Variants in PCSK6 observed in about 807,000 individuals in gnomAD.
PCSK6 encodes the protein paired basic amino acid cleaving enzyme 4.
In PCSK6, 85 loss-of-function variants were observed where a neutral mutation model predicts 123.3. The observed-to-expected ratio is 0.69, with a 90% CI of 0.58 to 0.83. The LOEUF (loss-of-function observed/expected upper bound fraction) is 0.83, where lower values mean the gene tolerates loss of function less well. PCSK6 is among the 40% of genes least tolerant of loss of function. The pLI, the probability that PCSK6 is intolerant of heterozygous loss-of-function variation, is 0.00. For synonymous variants in PCSK6, 508 were observed against 516.0 expected, an observed-to-expected ratio of 0.98 and a Z score of 0.21; for missense variants, 1,191 against 1,282.3, an observed-to-expected ratio of 0.93 and a Z score of 1.09.
At chr15:101,361,082 T>C (rs528622440) in intron 13 of PCSK6, among the ~76,000 whole-genome samples, 1 of 152,264 alleles carries the variant, frequency 6.6e-6, no homozygotes, top group African/African-American at 2.4e-5. Flanking sequence ...ATTCTTTGAA[T>C]AAACTGATGA....
intron 6 of PCSK6, among the ~76,000 whole-genome samples, chr15:101,403,438 G>A (rs72770794): frequency 0.3 from 39,409 of 129,884 alleles, 5,323 homozygotes; most frequent in African/African-American, 0.36. Flanking sequence ...TAAAAAAAAA[G>A]AGAGAGAAAA....
intron 19 of PCSK6, among the ~76,000 whole-genome samples, chr15:101,316,910 GTTT>G (rs57613156): frequency 8.7e-5 from 10 of 114,938 alleles, no homozygotes; most frequent in Admixed American, 6.1e-4. Context: ...ACTTAATTCT[GTTT>G]TTTTTTTTTT....
chr15:101,339,088 C>G (rs769409533), intron 13 of PCSK6, among the ~76,000 whole-genome samples: 12 of 152,124 alleles, frequency 7.9e-5, no homozygotes, highest in Non-Finnish European at 2.9e-5. Context: ...TTTCCTATGC[C>G]TGGCATTTTG....
intron 13 of PCSK6, among the ~76,000 whole-genome samples, chr15:101,342,129 C>CAAAAAAAAAAAAAAAAAAAAAAAAAAA (rs35083182): frequency 7.8e-5 from 4 of 51,524 alleles, no homozygotes; most frequent in African/African-American, 2.3e-4. Flanking sequence ...GACCCTGTCT[C>CAAAAAAAAAAAAAAAAAAAAAAAAAAA]AAAAAAAAAA....
chr15:101,372,266 C>T (rs574454980), intron 11 of PCSK6, among the ~76,000 whole-genome samples: 59 of 152,276 alleles, frequency 3.9e-4, no homozygotes, highest in Non-Finnish European at 7.4e-4. Context: ...TTACGGGGAG[C>T]GCTTTTCCCA....
chr15:101,391,563 T>C (rs961711208), intron 8 of PCSK6, among the ~76,000 whole-genome samples: 67 of 152,218 alleles, frequency 4.4e-4, no homozygotes, highest in African/African-American at 1.5e-3. Flanking sequence ...GTTTTACTCC[T>C]CTATAAAGAG....
intron 5 of PCSK6, among the ~76,000 whole-genome samples, chr15:101,429,235 A>AC (rs2056364170): frequency 1.5e-5 from 2 of 130,566 alleles, no homozygotes; most frequent in African/African-American, 6.8e-5. Flanking sequence ...GCTGATGGAG[A>AC]AGGAAAGAGA....
rs375365738 is a variant in PCSK6 at position 101,315,405 on chromosome 15, C to G, written c.2570-1900G>C. 3.3e-5 allele frequency among the ~76,000 whole-genome samples: 5 copies of G among 152,266 alleles called. No homozygotes were observed. In the South Asian group the frequency reaches 6.2e-4, roughly 19 times the overall value. On this transcript the variant is annotated intron_variant, in intron 19 of 21. Transcript: ENST00000611716. ...AAGTCTTTTAAGGATTCCATTAAGTCGCAAGTCTCTATAGACTTTGAACAC... is the reference window on the plus strand; with the variant it reads ...AAGTCTTTTAAGGATTCCATTAAGTGGCAAGTCTCTATAGACTTTGAACAC...
intron 3 of PCSK6, among the ~76,000 whole-genome samples, chr15:101,431,686 GC>G (rs2056452262): frequency 1.3e-5 from 2 of 152,162 alleles, no homozygotes; most frequent in Non-Finnish European, 2.9e-5. Context: ...TTTTCCCAGG[GC>G]ATCGCCTCCC....
intron 7 of PCSK6, among the ~76,000 whole-genome samples, chr15:101,394,144 GT>G (rs56222739): frequency 2.5e-4 from 35 of 141,514 alleles, no homozygotes; most frequent in South Asian, 2.2e-4. Context: ...TTTGTTTTTT[GT>G]TTTTTTTTTT....
At chr15:101,392,677 T>C (rs542976385) in intron 8 of PCSK6, among the ~76,000 whole-genome samples, 1 of 149,254 alleles carries the variant, frequency 6.7e-6, no homozygotes, top group African/African-American at 2.5e-5. Flanking sequence ...AGTTACCTTT[T>C]AAAAGACAAA....
intron 6 of PCSK6, among the ~76,000 whole-genome samples, chr15:101,407,216 T>C (rs1412380970): frequency 6.6e-6 from 1 of 152,198 alleles, no homozygotes; most frequent in Non-Finnish European, 1.5e-5. Context: ...CCTTGGGCCA[T>C]AGTCTCAGCC....
chr15:101,412,311 A>T (rs1567202234), intron 6 of PCSK6, among the ~76,000 whole-genome samples: 1 of 152,226 alleles, frequency 6.6e-6, no homozygotes, highest in Non-Finnish European at 1.5e-5. Flanking sequence ...TCTCAAATGC[A>T]TAAAGACAGA....
At chr15:101,314,332 G>C (rs1011151984) in intron 19 of PCSK6, among the ~76,000 whole-genome samples, 10 of 152,214 alleles carry the variant, frequency 6.6e-5, no homozygotes, top group African/African-American at 2.2e-4. Flanking sequence ...TGGGCCAGGT[G>C]TCTCCAGGGA....
intron 11 of PCSK6, among the ~76,000 whole-genome samples, chr15:101,374,972 G>A (rs964307399): frequency 8.3e-6 from 1 of 120,210 alleles, no homozygotes. Flanking sequence ...TTTTTTTTTT[G>A]AGATGGAGTC....
chr15:101,312,767 G>A (rs2141338025), intron 20 of PCSK6, among the ~76,000 whole-genome samples: 1 of 152,314 alleles, frequency 6.6e-6, no homozygotes, highest in East Asian at 1.9e-4. Flanking sequence ...GGGAGGCGGA[G>A]CTTGCAATGA....
At chr15:101,365,377 G>A (rs574701998) in intron 13 of PCSK6, among the ~76,000 whole-genome samples, 21 of 152,240 alleles carry the variant, frequency 1.4e-4, no homozygotes, top group African/African-American at 2.6e-4. Context: ...CTACTAGAAC[G>A]CTTATAATTT....
At chr15:101,439,945 G>C (rs6598472) in intron 2 of PCSK6, among the ~76,000 whole-genome samples, 91,091 of 152,050 alleles carry the variant, frequency 0.6, 28,493 homozygotes, top group African/African-American at 0.79. Flanking sequence ...AGATCTGTAG[G>C]GAAGGAAAAG....
chr15:101,383,440 G>C (rs1030425599), intron 10 of PCSK6, among the ~76,000 whole-genome samples: 1 of 148,464 alleles, frequency 6.7e-6, no homozygotes, highest in African/African-American at 2.5e-5. Flanking sequence ...AAAGAAGTCA[G>C]GCAAACAAAG....
Sources: allele counts gnomAD v4.1 joint callset (sites outside exome capture counted in the v4.1 genomes callset), GRCh38; gene constraint gnomAD v4.1.1; transcripts MANE v1.5; gene names NCBI Gene and HGNC (gene_info 2026-07-23, HGNC 2026-07-21).